The following SENP7 variants were observed in gnomAD, a reference collection of about 807,000 sequenced individuals.
SENP7 encodes SUMO specific peptidase 7.
Under a neutral mutation model 141.2 loss-of-function variants are expected in SENP7, and 64 were observed. The observed-to-expected ratio is 0.45, with a 90% CI of 0.37 to 0.56. SENP7 has a LOEUF of 0.56. SENP7 is among the 20% of genes least tolerant of loss of function. SENP7 has a pLI of 0.00. For synonymous variants in SENP7, 382 were observed against 426.4 expected (o/e 0.90, Z 1.28); for missense variants, 1,025 against 1,212.2 (o/e 0.85, Z 2.29).
intron 10 of SENP7, among the ~76,000 whole-genome samples, chr3:101,363,944 G>A (rs1036156227): frequency 5.9e-5 from 9 of 152,336 alleles, no homozygotes; most frequent in African/African-American, 2.2e-4. Context: ...CCAGCTGGGA[G>A]CGGTAGCTCA....
At chr3:101,380,403 T>G (rs2060462458) in intron 6 of SENP7, among the ~76,000 whole-genome samples, 1 of 143,760 alleles carries the variant, frequency 7.0e-6, no homozygotes, top group Non-Finnish European at 1.5e-5. Context: ...ATAGAAAGAG[T>G]CTAAATCTTC....
At chr3:101,427,906 C>T (rs2062019154) in intron 4 of SENP7, among the ~76,000 whole-genome samples, 1 of 152,036 alleles carries the variant, frequency 6.6e-6, no homozygotes, top group Admixed American at 6.6e-5. Flanking sequence ...TCCATGTGTT[C>T]TCATTGTTCA....
In SENP7 at chr3:101,412,539, C is replaced by T. The variant is rs184122233; in HGVS notation, c.482+5054G>A. Among the ~76,000 whole-genome samples the T allele has an allele frequency of 3.6e-3, 540 of 152,032 alleles. 3 individuals are homozygous for T. Among genetic ancestry groups the T allele is most frequent in the Middle Eastern group, 0.017 (5 of 294 alleles). On this transcript the variant is annotated intron_variant, in intron 5 of 23. Transcript: ENST00000394095. Reference sequence around the variant, plus strand: ...GTTTTACCATCACATATCTGGAATACGTAATTCTTTTTAATTTTAAACACA... The same window carrying T: ...GTTTTACCATCACATATCTGGAATATGTAATTCTTTTTAATTTTAAACACA...
At chr3:101,452,025 C>A (rs2063158317) in intron 4 of SENP7, among the ~76,000 whole-genome samples, 2 of 152,094 alleles carry the variant, frequency 1.3e-5, no homozygotes, top group South Asian at 4.1e-4. Flanking sequence ...TCTCAGGATA[C>A]AAAAATCAAT....
chr3:101,411,420 A>C (rs1244712849), intron 5 of SENP7, among the ~76,000 whole-genome samples: 1 of 152,234 alleles, frequency 6.6e-6, no homozygotes, highest in Non-Finnish European at 1.5e-5. Flanking sequence ...GTTAGCAATG[A>C]CTACAGTACA....
intron 4 of SENP7, among the ~76,000 whole-genome samples, chr3:101,449,043 A>G (rs538132818): frequency 6.6e-6 from 1 of 152,340 alleles, no homozygotes; most frequent in South Asian, 2.1e-4. Context: ...GACGTGATGG[A>G]GCTGAAAACC....
At chr3:101,427,617 T>C (rs2062008017) in intron 4 of SENP7, among the ~76,000 whole-genome samples, 1 of 152,182 alleles carries the variant, frequency 6.6e-6, no homozygotes, top group African/African-American at 2.4e-5. Flanking sequence ...CTGCTTTCAT[T>C]CAGGTACAAT....
At chr3:101,375,280 C>T (rs13319827) in intron 6 of SENP7, among the ~76,000 whole-genome samples, 60,015 of 151,618 alleles carry the variant, frequency 0.4, 12,325 homozygotes, top group Admixed American at 0.53. Context: ...CAGTGGCTCA[C>T]GCCTGTAATC....
intron 5 of SENP7, among the ~76,000 whole-genome samples, chr3:101,403,714 GA>G (rs2061218316): frequency 6.6e-6 from 1 of 152,022 alleles, no homozygotes; most frequent in Non-Finnish European, 1.5e-5. Flanking sequence ...AAAACAACTT[GA>G]ACAAGGTTTC....
chr3:101,479,493 C>T (rs2108020190), intron 3 of SENP7, among the ~76,000 whole-genome samples: 1 of 152,046 alleles, frequency 6.6e-6, no homozygotes, highest in Admixed American at 6.5e-5. Context: ...GTAGTCCCAG[C>T]TACTTGAGAG....
chr3:101,372,123 G>T lies in SENP7; in HGVS notation c.681C>A (p.Gly227=). Residue 227 remains glycine, a synonymous_variant, in exon 7 of 24, where the codon GGC becomes GGA. Coordinates refer to ENST00000394095, the MANE Select transcript of SENP7 (RefSeq NM_020654.5). ...PHKSCYLSER[G]SQRSKTVDDN... ...CATCTACTGTCTTACTTCGTTGTGAGCCCCTGCAAAAGAGAACTGTATTAT... is the reference window on the plus strand; with the variant it reads ...CATCTACTGTCTTACTTCGTTGTGATCCCCTGCAAAAGAGAACTGTATTAT... The T allele has an allele frequency of 1.3e-6, 2 of 1,529,620 alleles. No homozygotes were observed. The highest frequency in any genetic ancestry group is 1.8e-6 in the Non-Finnish European group (2 of 1,125,408). 94.8% of individuals were successfully genotyped at this position (1,529,620 alleles called of 1,614,324 possible).
chr3:101,354,958 G>A (rs1576060149), intron 11 of SENP7, among the ~76,000 whole-genome samples: 1 of 151,990 alleles, frequency 6.6e-6, no homozygotes. Flanking sequence ...TTTTGATTTG[G>A]ATTTCTCTAA....
At chr3:101,404,416 T>G (rs2317751) in intron 5 of SENP7, among the ~76,000 whole-genome samples, 104,089 of 152,066 alleles carry the variant, frequency 0.68, 36,117 homozygotes, top group African/African-American at 0.78. Context: ...ATAAAAATTA[T>G]CTCAAGATGG....
chr3:101,506,099 C>T (rs2065598159), intron 1 of SENP7, among the ~76,000 whole-genome samples: 1 of 149,084 alleles, frequency 6.7e-6, no homozygotes, highest in Admixed American at 6.9e-5. Context: ...CGGCTCACTG[C>T]AACCTCCACC....
chr3:101,506,213 T>A (rs1403539031), intron 1 of SENP7, among the ~76,000 whole-genome samples: 1 of 151,330 alleles, frequency 6.6e-6, no homozygotes, highest in Non-Finnish European at 1.5e-5. Context: ...AGAGAGAGAG[T>A]TTCACCATAT....
intron 4 of SENP7, among the ~76,000 whole-genome samples, chr3:101,441,395 G>T (rs990442654): frequency 5.3e-5 from 8 of 152,076 alleles, no homozygotes; most frequent in African/African-American, 1.9e-4. Flanking sequence ...GTCCCAGGAA[G>T]AAAGAACAGG....
intron 5 of SENP7, among the ~76,000 whole-genome samples, chr3:101,417,132 T>G (rs1431699080): frequency 6.6e-6 from 1 of 152,138 alleles, no homozygotes; most frequent in Non-Finnish European, 1.5e-5. Flanking sequence ...TTTTAAAAAT[T>G]CATTTAAAAT....
chr3:101,493,680 CAT>C (rs1559907782), intron 3 of SENP7, among the ~76,000 whole-genome samples, 191 bp downstream of exon 3: 1 of 151,980 alleles, frequency 6.6e-6, no homozygotes, highest in Non-Finnish European at 1.5e-5. Flanking sequence ...ATTATATATA[CAT>C]AGTTTTAAAC....
chr3:101,333,438 C>T (rs1010101463), intron 17 of SENP7, among the ~76,000 whole-genome samples: 2 of 152,126 alleles, frequency 1.3e-5, no homozygotes, highest in Non-Finnish European at 2.9e-5. Context: ...GTCCCAGCTA[C>T]TTGGGGGATT....
Sources: gnomAD v4.1 joint callset for allele counts (sites outside exome capture counted in the v4.1 genomes callset) on GRCh38, gnomAD v4.1.1 for gene constraint, MANE v1.5 for transcripts, NCBI Gene and HGNC (gene_info 2026-07-23, HGNC 2026-07-21) for gene names.